The following DIAPH2 variants were observed in gnomAD, a reference collection of about 807,000 sequenced individuals.
The protein encoded by DIAPH2 is protein diaphanous homolog 2.
Under a neutral mutation model 92.7 loss-of-function variants are expected in DIAPH2, and 35 were observed. That is an observed-to-expected ratio of 0.38 (90% CI 0.29 to 0.50). The LOEUF is 0.50. Among genes scored for constraint, DIAPH2 ranks in the 20% least tolerant of loss-of-function variants. The probability of loss-of-function intolerance (pLI) is 0.94; values close to 1 mark genes in which losing one functional copy is unlikely to be tolerated. For missense variants in DIAPH2, 701 were observed against 819.5 expected, an observed-to-expected ratio of 0.86 and a Z score of 1.77; for synonymous variants, 301 against 280.4, an observed-to-expected ratio of 1.07 and a Z score of -0.73.
At chrX:97,316,485 CAA>C (rs55897560) in intron 23 of DIAPH2, among the ~76,000 whole-genome samples, 1,916 of 59,281 alleles carry the variant, frequency 0.032, 61 homozygotes, top group East Asian at 0.17. Context: ...ACTAAAAATA[CAA>C]AAAAAAAAAA....
intron 22 of DIAPH2, among the ~76,000 whole-genome samples, chrX:97,144,869 A>G (rs1197911537): frequency 1.8e-5 from 2 of 111,625 alleles, no homozygotes; most frequent in Non-Finnish European, 3.8e-5. Context: ...CGCTCAAGCA[A>G]TTCTCCTACC....
In DIAPH2 at chrX:96,727,034, T is replaced by A. The variant is rs149457671; in HGVS notation, c.133-8724T>A. Among the ~76,000 whole-genome samples, 288 of 112,250 alleles carry A rather than the reference T, an allele frequency of 2.6e-3. 2 individuals are homozygous for A. The highest frequency in any genetic ancestry group is 8.8e-3 in the African/African-American group (272 of 30,950). On this transcript the variant is annotated intron_variant, in intron 1 of 26. Coordinates refer to ENST00000324765, the MANE Select transcript of DIAPH2 (RefSeq NM_006729.5). Reference sequence around the variant, plus strand: ...TGAAATATGAATGCTCTGAAAACACTCTTATCATTTGGCCACAAGCCCCAA... The same window carrying A: ...TGAAATATGAATGCTCTGAAAACACACTTATCATTTGGCCACAAGCCCCAA...
intron 1 of DIAPH2, chrX:96,701,361 A>C (rs779904114): frequency 8.9e-6 from 1 of 111,838 alleles, no homozygotes; most frequent in East Asian, 2.8e-4. Context: ...AGTAAATTCT[A>C]TAATAAATAG....
intron 25 of DIAPH2, among the ~76,000 whole-genome samples, chrX:97,403,929 C>T (rs1159464598): frequency 9.2e-6 from 1 of 109,198 alleles, no homozygotes; most frequent in African/African-American, 3.3e-5. Flanking sequence ...CTTGGCTCAC[C>T]ACAACCTCTG....
chrX:97,242,000 T>G (rs1207885831), intron 22 of DIAPH2, among the ~76,000 whole-genome samples: 3 of 110,297 alleles, frequency 2.7e-5, no homozygotes, highest in Non-Finnish European at 5.7e-5. Flanking sequence ...GGTCTCGATC[T>G]CTTGACCTTG....
intron 1 of DIAPH2, among the ~76,000 whole-genome samples, chrX:96,710,843 T>C (rs1229077983): frequency 9.0e-6 from 1 of 111,439 alleles, no homozygotes; most frequent in Admixed American, 9.6e-5. Flanking sequence ...TAGTCTTTTA[T>C]CCCTCACCCT....
intron 25 of DIAPH2, among the ~76,000 whole-genome samples, chrX:97,413,720 A>G (rs2069906425): frequency 8.9e-6 from 1 of 112,214 alleles, no homozygotes; most frequent in Non-Finnish European, 1.9e-5. Context: ...TAGAAAATCA[A>G]TGTGCAAAAA....
intron 7 of DIAPH2, among the ~76,000 whole-genome samples, chrX:96,913,687 T>C (rs2065484080): frequency 9.0e-6 from 1 of 111,334 alleles, no homozygotes. Context: ...GAGATTTCTC[T>C]TTCTTTTATG....
At chrX:96,867,160 A>G (rs1200190749) in intron 4 of DIAPH2, among the ~76,000 whole-genome samples, 1 of 111,883 alleles carries the variant, frequency 8.9e-6, no homozygotes, top group Non-Finnish European at 1.9e-5. Flanking sequence ...TAAAAACCCT[A>G]CAAAGTCTAT....
At chrX:97,283,172 A>G (rs1320740579) in intron 23 of DIAPH2, among the ~76,000 whole-genome samples, 1 of 111,829 alleles carries the variant, frequency 8.9e-6, no homozygotes, top group African/African-American at 3.3e-5. Flanking sequence ...TCTATCATCT[A>G]TCTATCTACT....
intron 22 of DIAPH2, among the ~76,000 whole-genome samples, chrX:97,217,554 G>T (rs950413590): frequency 8.9e-6 from 1 of 112,066 alleles, no homozygotes; most frequent in Non-Finnish European, 1.9e-5. Context: ...TTCTGTCCAT[G>T]CCCTGAGGGA....
chrX:96,727,450 G>T (rs1441913078), intron 1 of DIAPH2, among the ~76,000 whole-genome samples: 1 of 111,280 alleles, frequency 9.0e-6, no homozygotes, highest in African/African-American at 3.3e-5. Flanking sequence ...TAATACCCTT[G>T]TACTTGAACC....
intron 4 of DIAPH2, among the ~76,000 whole-genome samples, chrX:96,844,359 G>A (rs891010263): frequency 2.7e-5 from 3 of 112,273 alleles, no homozygotes; most frequent in Admixed American, 9.4e-5. Context: ...TTTTAGTTAT[G>A]CATAAGCTTT....
chrX:97,412,014 G>C (rs1041588135), intron 25 of DIAPH2, among the ~76,000 whole-genome samples: 5 of 111,528 alleles, frequency 4.5e-5, no homozygotes, highest in Non-Finnish European at 9.4e-5. Flanking sequence ...GGTTAACAAA[G>C]ATATCCAGGA....
intron 20 of DIAPH2, among the ~76,000 whole-genome samples, chrX:97,100,717 C>T (rs905610648): frequency 4.5e-5 from 5 of 111,431 alleles, no homozygotes; most frequent in East Asian, 5.6e-4. Context: ...ACATTTTCAG[C>T]GTTATCCAAA....
chrX:96,886,908 ACT>A (rs1374692857), intron 5 of DIAPH2, among the ~76,000 whole-genome samples: 1 of 79,836 alleles, frequency 1.3e-5, no homozygotes, highest in African/African-American at 6.5e-5. Flanking sequence ...GGGGAAAAAA[ACT>A]CTTTTTTTTT....
chrX:97,551,596 A>T (rs751866158), intron 26 of DIAPH2, among the ~76,000 whole-genome samples: 119 of 101,843 alleles, frequency 1.2e-3, no homozygotes, highest in South Asian at 4.3e-3. Flanking sequence ...TCCGTTTTTT[A>T]AAAAAAAAAA....
intron 22 of DIAPH2, among the ~76,000 whole-genome samples, chrX:97,236,506 T>C (rs1389946312): frequency 1.8e-5 from 2 of 110,417 alleles, no homozygotes; most frequent in Non-Finnish European, 3.8e-5. Flanking sequence ...TAAGGGTATA[T>C]ATTAGTAAAG....
intron 5 of DIAPH2, among the ~76,000 whole-genome samples, chrX:96,882,968 AAAAAAAAAAAAAAAAC>A (rs2065225843): frequency 1.3e-5 from 1 of 78,459 alleles, no homozygotes; most frequent in Non-Finnish European, 2.9e-5. Flanking sequence ...CCAAAAAAAA[AAAAAAAAAAAAAAAAC>A]AAAAAAACAA....
Sources: allele counts gnomAD v4.1 joint callset (sites outside exome capture counted in the v4.1 genomes callset), GRCh38; gene constraint gnomAD v4.1.1; transcripts MANE v1.5; gene names NCBI Gene and HGNC (gene_info 2026-07-23, HGNC 2026-07-21).